The following SYCP2 variants were observed in gnomAD, a reference collection of about 807,000 sequenced individuals.
SYCP2 encodes the protein synaptonemal complex protein 2.
In SYCP2, 55 loss-of-function variants were observed where a neutral mutation model predicts 211.3. The ratio of observed to expected loss-of-function variants is 0.26; its 90% confidence interval spans 0.21 to 0.33. The LOEUF is 0.33. SYCP2 is among the 10% of genes least tolerant of loss of function. SYCP2 has a pLI of 1.00. For missense variants in SYCP2, 1,731 were observed against 1,752.0 expected (o/e 0.99, Z 0.21); for synonymous variants, 570 against 555.2 (o/e 1.03, Z -0.37).
intron 35 of SYCP2, among the ~76,000 whole-genome samples, chr20:59,871,317 T>C (rs916252249): frequency 1.3e-5 from 2 of 151,938 alleles, no homozygotes; most frequent in Non-Finnish European, 1.5e-5. Flanking sequence ...AAACAACTGA[T>C]AACATCTACT....
Position 59,868,452 on chromosome 20 carries a change from G to A in SYCP2, c.3949C>T (p.Leu1317=). The change falls in exon 38 of 45, where the codon CTG becomes TTG. Residue 1317 remains leucine, a synonymous_variant. Coordinates refer to ENST00000357552, the MANE Select transcript of SYCP2 (RefSeq NM_014258.4). Reference sequence around the variant, plus strand: ...TGATCTGCATCTTCAATTTTACACAGTTTTTTGGGAAGCAAGTTTGCTCTC... The same window carrying A: ...TGATCTGCATCTTCAATTTTACACAATTTTTTGGGAAGCAAGTTTGCTCTC... The part of the protein sequence containing the change: ...ERRANLLPKK[L]CKIEDADHHI... The A allele has an allele frequency of 1.2e-6, 2 of 1,610,978 alleles. No homozygotes were observed. The highest frequency in any genetic ancestry group is 1.7e-6 in the Non-Finnish European group (2 of 1,178,274).
chr20:59,909,577 G>A (rs959051487), intron 14 of SYCP2, among the ~76,000 whole-genome samples: 1 of 152,124 alleles, frequency 6.6e-6, no homozygotes, highest in Non-Finnish European at 1.5e-5. Context: ...TAGTACATAC[G>A]TGACACATAG....
intron 28 of SYCP2, 58 bp downstream of exon 28, chr20:59,881,887 A>C: frequency 7.4e-7 from 1 of 1,358,476 alleles, no homozygotes; most frequent in Non-Finnish European, 1.0e-6. Flanking sequence ...TAATAACTGC[A>C]TGGTAAATGC....
intron 35 of SYCP2, among the ~76,000 whole-genome samples, chr20:59,873,246 C>G (rs1382405689): frequency 6.6e-6 from 1 of 152,142 alleles, no homozygotes; most frequent in African/African-American, 2.4e-5. Context: ...TTTATGGCTT[C>G]TCTTTGGCCT....
chr20:59,932,990 G>A (rs544632852), intron 1 of SYCP2, among the ~76,000 whole-genome samples: 3 of 151,512 alleles, frequency 2.0e-5, no homozygotes, highest in South Asian at 2.1e-4. Flanking sequence ...TCCCACCGCC[G>A]GCACGGTGAC....
chr20:59,907,498 A>C, intron 14 of SYCP2, 74 bp from the exon 15 acceptor site: 9 of 1,218,220 alleles, frequency 7.4e-6, no homozygotes, highest in Non-Finnish European at 1.1e-5. Context: ...ATCAAATTTC[A>C]AGTTACAGGA....
At chr20:59,865,290 C>T in intron 44 of SYCP2, 98 bp downstream of exon 44, 1 of 956,796 alleles carries the variant, frequency 1.0e-6, no homozygotes. Flanking sequence ...TCTCTCAACC[C>T]AAAAGAAAAA....
In SYCP2 at chr20:59,868,504, T is replaced by G; in HGVS notation, c.3897A>C (p.Glu1299Asp). The G allele has an allele frequency of 1.9e-6, 3 of 1,611,236 alleles. No individual in the cohort carries two copies. The highest frequency in any genetic ancestry group is 2.5e-6 in the Non-Finnish European group (3 of 1,178,300). ...YIEDNLSNSN[E>D]VEMEEKGERR... Reference sequence around the variant, plus strand: ...TTTCTCCTTTCTCTTCCATTTCTACTTCATTGGAATTACTTAGATTATCTT... The same window carrying G: ...TTTCTCCTTTCTCTTCCATTTCTACGTCATTGGAATTACTTAGATTATCTT... Residue 1299 changes from glutamate (E) to aspartate (D), a missense_variant, in exon 38 of 45, where the codon GAA becomes GAC. Glu to Asp is a conservative substitution (Grantham distance 45). This residue lies in a region of SYCP2 where 1,387 missense variants were observed against 1,351.3 expected (regional missense o/e 1.03). Coordinates refer to ENST00000357552, the MANE Select transcript of SYCP2 (RefSeq NM_014258.4).
At position 59,896,516 on chromosome 20, in the gene SYCP2, TAGG is replaced by T. The variant is rs780118375; in HGVS notation, c.1414_1416del (p.Pro472del). ...GATGCTTCAGACATTTTTCTTTTGC[TAGG>T]AGTAGTTTTCTGAAACCACGATGAA... On this transcript the variant is annotated inframe_deletion, in exon 19 of 45. Coordinates refer to ENST00000357552, the MANE Select transcript of SYCP2 (RefSeq NM_014258.4). 4.9e-5 allele frequency: 78 copies of T among 1,605,362 alleles called. 1 individual carries two copies. Among genetic ancestry groups the T allele is most frequent in the African/African-American group, 3.2e-4 (24 of 74,862 alleles).
chr20:59,905,016 C>A lies in SYCP2; in HGVS notation c.1033+2348G>T, dbSNP rs371829985. Among the ~76,000 whole-genome samples the A allele has an allele frequency of 5.6e-4, 85 of 152,226 alleles. 1 individual carries two copies. The South Asian group carries it at 0.017, about 30-fold the overall frequency. On this transcript the variant is annotated intron_variant, in intron 15 of 44. Coordinates refer to ENST00000357552, the MANE Select transcript of SYCP2 (RefSeq NM_014258.4). ...CTCAACACCAACATCATAAACTAAG[C>A]AAATATGTCTGCTCTTTTAATTTCT...
chr20:59,899,056 T>G (rs2145770569), intron 18 of SYCP2, among the ~76,000 whole-genome samples: 1 of 152,212 alleles, frequency 6.6e-6, no homozygotes, highest in Non-Finnish European at 1.5e-5. Flanking sequence ...ATACTGATAT[T>G]TAAGGAAAAT....
chr20:59,896,381 C>T (rs749366471), intron 19 of SYCP2, 48 bp downstream of exon 19: 26 of 1,054,506 alleles, frequency 2.5e-5, no homozygotes, highest in Non-Finnish European at 3.7e-5. Context: ...TTAAAAAATG[C>T]CTCCTTTAAA....
chr20:59,873,397 G>A (rs1019773960), intron 35 of SYCP2, among the ~76,000 whole-genome samples: 5 of 152,166 alleles, frequency 3.3e-5, no homozygotes, highest in Non-Finnish European at 7.4e-5. Flanking sequence ...CAGGCAGGTA[G>A]GGTATACAGC....
In SYCP2 at chr20:59,867,795, C is replaced by G. The variant is rs760266779; in HGVS notation, c.4041G>C (p.Glu1347Asp). The G allele has an allele frequency of 6.2e-5, 99 of 1,609,404 alleles. No homozygotes were observed. The highest frequency in any genetic ancestry group is 8.0e-5 in the Non-Finnish European group (94 of 1,176,890). ...LSTNDFSIPW[E>D]TWQNEFAGIE... is the part of the protein sequence containing the mutation. ...TCCCTGCAAATTCATTTTGCCAGGT[C>G]TCCCAAGGAATAGAAAAGTCATTTG... Residue 1347 changes from glutamate (E) to aspartate (D), a missense_variant, in exon 39 of 45, where the codon GAG (glutamate) becomes GAC (aspartate). Around this residue, in one of 3 missense-constraint regions of SYCP2, gnomAD observed 1,387 missense variants for 1,351.3 expected, o/e 1.03. Coordinates refer to ENST00000357552, the MANE Select transcript of SYCP2 (RefSeq NM_014258.4).
At chr20:59,912,508 G>A (rs192669726) in intron 12 of SYCP2, 90 bp from the exon 13 acceptor site, 4 of 502,584 alleles carry the variant, frequency 8.0e-6, no homozygotes, top group African/African-American at 6.1e-5. Context: ...GAATCAAAAG[G>A]AAATCAGGCA....
chr20:59,865,504 A>G lies in SYCP2; in HGVS notation c.4459-60T>C. On this transcript the variant is annotated intron_variant, in intron 43 of 44. Coordinates refer to ENST00000357552, the MANE Select transcript of SYCP2 (RefSeq NM_014258.4). ...TTACCATAAAGTTTTCACAGCAAAG[A>G]CAAAGTTACATTAACAAATTCTTTT... 2.5e-6 allele frequency: 4 copies of G among 1,579,320 alleles called. No homozygotes were observed. In the South Asian group the frequency reaches 4.6e-5, roughly 18 times the overall value.
intron 10 of SYCP2, 127 bp downstream of exon 10, chr20:59,915,038 G>T: frequency 1.6e-6 from 1 of 617,756 alleles, no homozygotes; most frequent in Non-Finnish European, 2.8e-6. Context: ...ATTAAAAATT[G>T]CTTAATTGTA....
At chr20:59,914,980 CCTA>C (rs1219632293) in intron 10 of SYCP2, among the ~76,000 whole-genome samples, 182 bp downstream of exon 10, 9 of 151,846 alleles carry the variant, frequency 5.9e-5, no homozygotes, top group South Asian at 2.1e-4. Flanking sequence ...GTATCTAACG[CCTA>C]CTGTCATAAA....
At chr20:59,891,954 T>C (rs536751980) in intron 24 of SYCP2, 36 bp downstream of exon 24, 2 of 1,507,858 alleles carry the variant, frequency 1.3e-6, no homozygotes, top group African/African-American at 1.4e-5. Context: ...AGGCATCTTA[T>C]GGATATGCAG....
Sources: gnomAD v4.1 joint callset for allele counts (sites outside exome capture counted in the v4.1 genomes callset) on GRCh38, gnomAD v4.1.1 for gene constraint, gnomAD v4.1.1 regional missense constraint, MANE v1.5 for transcripts, NCBI Gene and HGNC (gene_info 2026-07-23, HGNC 2026-07-21) for gene names.